Variants in PTGFR observed in about 807,000 individuals in gnomAD.
PTGFR encodes prostaglandin F2-alpha receptor.
In PTGFR, 15 loss-of-function variants were observed where a neutral mutation model predicts 26.2. That is an observed-to-expected ratio of 0.57 (90% CI 0.38 to 0.88). The LOEUF (loss-of-function observed/expected upper bound fraction) is 0.88. Among genes scored for constraint, PTGFR ranks in the 40% least tolerant of loss-of-function variants. The pLI is 0.00. For missense variants in PTGFR, 369 were observed against 427.2 expected, an observed-to-expected ratio of 0.86 and a Z score of 1.20; for synonymous variants, 165 against 151.1, an observed-to-expected ratio of 1.09 and a Z score of -0.68.
At chr1:78,499,848 G>A (rs1316092188) in intron 2 of PTGFR, among the ~76,000 whole-genome samples, 1 of 152,106 alleles carries the variant, frequency 6.6e-6, no homozygotes, top group East Asian at 1.9e-4. Context: ...ATGGTGCTTG[G>A]TGGCTTTACT....
At chr1:78,496,730 TATTA>T (rs1268390771) in intron 2 of PTGFR, among the ~76,000 whole-genome samples, 1 of 152,214 alleles carries the variant, frequency 6.6e-6, no homozygotes, top group Non-Finnish European at 1.5e-5. Context: ...GCTGATACTT[TATTA>T]ATTTGTTGAG....
At chr1:78,524,616 A>C (rs1029401474) in intron 2 of PTGFR, among the ~76,000 whole-genome samples, 11 of 152,206 alleles carry the variant, frequency 7.2e-5, no homozygotes, top group Non-Finnish European at 1.5e-4. Context: ...TAGCTAGTGA[A>C]CAATGTCCTA....
chr1:78,514,038 G>A (rs910016899), intron 2 of PTGFR, among the ~76,000 whole-genome samples: 1 of 152,244 alleles, frequency 6.6e-6, no homozygotes, highest in Non-Finnish European at 1.5e-5. Context: ...TGCTGCAGGG[G>A]TGGAACCCCC....
rs555443602 is a variant in PTGFR, at chr1:78,528,455, G to A, written c.799-7951G>A. Among the ~76,000 whole-genome samples the A allele has an allele frequency of 7.9e-5, 12 of 152,064 alleles. No individual in the cohort carries two copies. The South Asian group carries it at 2.5e-3, about 32-fold the overall frequency. Reference sequence around the variant, plus strand: ...GGCTGATTTTTTGTCCCGACCAGAAGTATATATGGATTTTATCTTTAACTA... The same window carrying A: ...GGCTGATTTTTTGTCCCGACCAGAAATATATATGGATTTTATCTTTAACTA... On this transcript the variant is annotated intron_variant, in intron 2 of 2. Coordinates refer to ENST00000370757, the MANE Select transcript of PTGFR (RefSeq NM_000959.4).
Position 78,509,539 on chromosome 1 carries a change from A to T in PTGFR, c.798+15998A>T, listed in dbSNP as rs139312495. Among the ~76,000 whole-genome samples the T allele has an allele frequency of 3.8e-3, 580 of 152,332 alleles. 2 individuals carry two copies. Among genetic ancestry groups the T allele is most frequent in the South Asian group, 0.021 (103 of 4,824 alleles). ...AAATTTCAACAAAAAGTAGCAACTG[A>T]TATCTCTCTCATTATGCTTGTATTC... On this transcript the variant is annotated intron_variant, in intron 2 of 2. Transcript: ENST00000370757.
intron 2 of PTGFR, among the ~76,000 whole-genome samples, chr1:78,520,307 G>T (rs568774488): frequency 6.6e-6 from 1 of 151,914 alleles, no homozygotes; most frequent in South Asian, 2.1e-4. Context: ...TTAAAAAGTC[G>T]TGTTCTTTTA....
chr1:78,522,609 G>C (rs1257629782), intron 2 of PTGFR, among the ~76,000 whole-genome samples: 7 of 151,998 alleles, frequency 4.6e-5, no homozygotes, highest in Non-Finnish European at 8.8e-5. Flanking sequence ...GTTCTGTTTT[G>C]TTTTGTTTTA....
chr1:78,499,748 A>T (rs147891007), intron 2 of PTGFR, among the ~76,000 whole-genome samples: 3 of 152,222 alleles, frequency 2.0e-5, no homozygotes, highest in Non-Finnish European at 4.4e-5. Context: ...TTCTGTCAGC[A>T]TCTAGAGGAA....
At chr1:78,503,156 G>C (rs184580980) in intron 2 of PTGFR, among the ~76,000 whole-genome samples, 2 of 152,036 alleles carry the variant, frequency 1.3e-5, no homozygotes, top group African/African-American at 4.8e-5. Flanking sequence ...GGCTTTAACA[G>C]GATTAGAATA....
intron 2 of PTGFR, among the ~76,000 whole-genome samples, chr1:78,531,732 C>A (rs1309866337): frequency 2.6e-5 from 4 of 152,032 alleles, no homozygotes; most frequent in Non-Finnish European, 5.9e-5. Flanking sequence ...CTCCTAACTC[C>A]TGTGCTTGTA....
Position 78,537,423 on chromosome 1 carries a change from A to C in PTGFR, c.*736A>C, listed in dbSNP as rs1276718728. Reference sequence around the variant, plus strand: ...AAAATTTTGTGTGTGATTGCACAATAAATAATTTTTAGAGAAACAAAGGCT... The same window carrying C: ...AAAATTTTGTGTGTGATTGCACAATCAATAATTTTTAGAGAAACAAAGGCT... On this transcript the variant is annotated 3_prime_UTR_variant, in exon 3 of 3. Transcript: ENST00000370757. 1 of 152,156 alleles carries C rather than the reference A, an allele frequency of 6.6e-6. No individual in the cohort carries two copies. The highest frequency in any genetic ancestry group is 6.6e-5 in the Admixed American group (1 of 15,250). The allele number at this position is 152,156 out of a possible 1,614,324, so 9.4% of individuals were successfully genotyped here.
At chr1:78,494,990 T>G (rs570151195) in intron 2 of PTGFR, among the ~76,000 whole-genome samples, 1 of 152,370 alleles carries the variant, frequency 6.6e-6, no homozygotes, top group African/African-American at 2.4e-5. Context: ...GATTCTATGA[T>G]AGAGTTGAGT....
chr1:78,517,678 G>T (rs1323888668), intron 2 of PTGFR, among the ~76,000 whole-genome samples: 1 of 152,124 alleles, frequency 6.6e-6, no homozygotes, highest in Non-Finnish European at 1.5e-5. Flanking sequence ...GGTAGAATTT[G>T]AGGACACAGA....
chr1:78,493,384 G>C lies in PTGFR; in HGVS notation c.641G>C (p.Gly214Ala). ...TCTTTTCTGGGGCTCTTAGCCCTTG[G>C]TGTTTCATTGTTGTGCAATGCAATC... is the stretch of plus-strand genomic sequence containing the variant. ...LFSFLGLLAL[G>A]VSLLCNAITG... Residue 214 changes from glycine (G) to alanine (A), a missense_variant, in exon 2 of 3, where the codon GGT becomes GCT. Gly to Ala is a moderately conservative substitution (Grantham distance 60, BLOSUM62 0). Coordinates refer to ENST00000370757, the MANE Select transcript of PTGFR (RefSeq NM_000959.4). The C allele has an allele frequency of 6.2e-7, 1 of 1,613,554 alleles. No individual in the cohort carries two copies. The highest frequency in any genetic ancestry group is 2.2e-5 in the East Asian group (1 of 44,892).
chr1:78,532,475 TA>T (rs1650540666), intron 2 of PTGFR: 1 of 137,956 alleles, frequency 7.2e-6, no homozygotes, highest in South Asian at 2.2e-4. Context: ...TGTGTGTGTA[TA>T]TATGTGTGTA....
At chr1:78,534,111 T>C (rs3766333) in intron 2 of PTGFR, among the ~76,000 whole-genome samples, 23,969 of 152,148 alleles carry the variant, frequency 0.16, 2,756 homozygotes, top group East Asian at 0.56. Context: ...AATGTGCCAA[T>C]GTTCACAGGA....
chr1:78,503,388 A>C (rs1383506332), intron 2 of PTGFR, among the ~76,000 whole-genome samples: 2 of 152,218 alleles, frequency 1.3e-5, no homozygotes, highest in Non-Finnish European at 2.9e-5. Flanking sequence ...AAGTTTTAGA[A>C]ATAAAGAAAA....
At chr1:78,522,304 CAT>C (rs1650262631) in intron 2 of PTGFR, among the ~76,000 whole-genome samples, 3 of 152,108 alleles carry the variant, frequency 2.0e-5, no homozygotes, top group Middle Eastern at 3.4e-3. Flanking sequence ...TAAAGGGACT[CAT>C]GTGATTAAAT....
At chr1:78,523,793 T>C (rs1181363223) in intron 2 of PTGFR, among the ~76,000 whole-genome samples, 1 of 152,100 alleles carries the variant, frequency 6.6e-6, no homozygotes, top group Non-Finnish European at 1.5e-5. Flanking sequence ...ATTTTAAATG[T>C]TTGTTAGTTG....
Sources: gnomAD v4.1 joint callset for allele counts (sites outside exome capture counted in the v4.1 genomes callset) on GRCh38, gnomAD v4.1.1 for gene constraint, MANE v1.5 for transcripts, NCBI Gene and HGNC (gene_info 2026-07-23, HGNC 2026-07-21) for gene names.